Variants in RANBP2 observed in about 807,000 individuals in gnomAD.
RANBP2 encodes E3 SUMO-protein ligase RanBP2.
In RANBP2, 57 loss-of-function variants were observed where a neutral mutation model predicts 303.6. The ratio of observed to expected loss-of-function variants is 0.19; its 90% confidence interval spans 0.15 to 0.23. The LOEUF is 0.23. Among genes scored for constraint, RANBP2 ranks in the 10% least tolerant of loss-of-function variants. The pLI is 1.00. For synonymous variants in RANBP2, 1,167 were observed against 1,301.5 expected, an observed-to-expected ratio of 0.90 and a Z score of 2.23; for missense variants, 3,138 against 3,780.8, an observed-to-expected ratio of 0.83 and a Z score of 4.46.
the RANBP2 span, among the ~76,000 whole-genome samples, chr2:109,071,773 T>A: frequency 1.3e-5 from 2 of 152,136 alleles, no homozygotes; most frequent in African/African-American, 4.8e-5. Context: ...GATTTGGGAT[T>A]CATTAGCATG....
chr2:109,688,171 C>T, the RANBP2 span, among the ~76,000 whole-genome samples: 6 of 152,122 alleles, frequency 3.9e-5, no homozygotes, highest in South Asian at 2.1e-4. Flanking sequence ...TTTTCAGTCC[C>T]GAGGAGTCAC....
chr2:109,026,847 C>T, the RANBP2 span, among the ~76,000 whole-genome samples: 1 of 152,020 alleles, frequency 6.6e-6, no homozygotes, highest in Non-Finnish European at 1.5e-5. Flanking sequence ...TGGTGGATCA[C>T]GAGGTCACCA....
chr2:108,777,353 T>C, intron 25 of RANBP2, 122 bp downstream of exon 25: 1 of 734,558 alleles, frequency 1.4e-6, no homozygotes, highest in African/African-American at 1.8e-5. Flanking sequence ...CCCAGTTTGT[T>C]TTAGTGTTTT....
At chr2:108,820,817 C>G in the RANBP2 span, among the ~76,000 whole-genome samples, 2 of 152,004 alleles carry the variant, frequency 1.3e-5, no homozygotes, top group Non-Finnish European at 2.9e-5. Context: ...ACCATTACAC[C>G]TGCCCTATAA....
At chr2:109,719,020 A>AG in the RANBP2 span, among the ~76,000 whole-genome samples, 2 of 133,410 alleles carry the variant, frequency 1.5e-5, no homozygotes, top group Non-Finnish European at 3.3e-5. Flanking sequence ...AAAAAAAAAA[A>AG]AAAAAAAAGA....
At chr2:109,041,509 T>A in the RANBP2 span, among the ~76,000 whole-genome samples, 1 of 145,220 alleles carries the variant, frequency 6.9e-6, no homozygotes, top group Admixed American at 7.4e-5. Context: ...TAAAAATATA[T>A]AATTAACGGA....
At chr2:109,305,440 C>T in the RANBP2 span, among the ~76,000 whole-genome samples, 1 of 152,160 alleles carries the variant, frequency 6.6e-6, no homozygotes, top group African/African-American at 2.4e-5. Context: ...ATTTCCCTGT[C>T]TCCAGCCCAG....
the RANBP2 span, among the ~76,000 whole-genome samples, chr2:109,646,827 G>A: frequency 2.6e-5 from 4 of 152,060 alleles, no homozygotes; most frequent in South Asian, 8.3e-4. Context: ...ATAATTTTAA[G>A]AAAATATTGT....
chr2:109,399,035 A>C, the RANBP2 span: 4 of 1,335,936 alleles, frequency 3.0e-6, no homozygotes, highest in Non-Finnish European at 4.1e-6. Flanking sequence ...CTCAACTAGC[A>C]TGGAGGCCGC....
chr2:108,846,929 A>G, the RANBP2 span: 2 of 1,554,826 alleles, frequency 1.3e-6, no homozygotes, highest in African/African-American at 1.4e-5. Flanking sequence ...CAGTCACTCA[A>G]GGTAAGCTTT....
the RANBP2 span, among the ~76,000 whole-genome samples, chr2:109,485,103 T>G: frequency 6.6e-6 from 1 of 152,246 alleles, no homozygotes; most frequent in Admixed American, 6.5e-5. Context: ...TGGCTAACTT[T>G]GCAAATTGAG....
chr2:108,911,606 C>G, the RANBP2 span, among the ~76,000 whole-genome samples: 1 of 152,230 alleles, frequency 6.6e-6, no homozygotes, highest in Non-Finnish European at 1.5e-5. Flanking sequence ...GCCGCCTCCA[C>G]CAGGCAGTCC....
At chr2:109,155,740 G>T in the RANBP2 span, among the ~76,000 whole-genome samples, 1 of 152,230 alleles carries the variant, frequency 6.6e-6, no homozygotes, top group African/African-American at 2.4e-5. Flanking sequence ...AGAACAAAAA[G>T]GGAGTTCCCA....
chr2:109,337,697 G>A, the RANBP2 span, among the ~76,000 whole-genome samples: 1 of 151,846 alleles, frequency 6.6e-6, no homozygotes, highest in African/African-American at 2.4e-5. Context: ...CTACCAGGTG[G>A]GTTATCTTGG....
the RANBP2 span, among the ~76,000 whole-genome samples, chr2:109,459,286 G>A: frequency 2.6e-5 from 4 of 152,234 alleles, no homozygotes; most frequent in East Asian, 5.8e-4. Context: ...ACTTACAACA[G>A]TTACAATCCT....
At chr2:109,585,366 A>C in the RANBP2 span, 1 of 1,452,938 alleles carries the variant, frequency 6.9e-7, no homozygotes, top group Non-Finnish European at 9.4e-7. Context: ...TGAATGGCTG[A>C]AAAGAAATAC....
At chr2:108,859,072 A>T in the RANBP2 span, among the ~76,000 whole-genome samples, 1 of 151,946 alleles carries the variant, frequency 6.6e-6, no homozygotes, top group Non-Finnish European at 1.5e-5. Flanking sequence ...TGGCAGTTCT[A>T]TTTGACTTTA....
At chr2:109,001,111 G>A in the RANBP2 span, among the ~76,000 whole-genome samples, 1 of 152,174 alleles carries the variant, frequency 6.6e-6, no homozygotes, top group Non-Finnish European at 1.5e-5. Flanking sequence ...GAGTTTCATT[G>A]CTACATGAGT....
chr2:108,976,044 C>A, the RANBP2 span, among the ~76,000 whole-genome samples: 1 of 152,164 alleles, frequency 6.6e-6, no homozygotes, highest in African/African-American at 2.4e-5. Context: ...CAGTGGTCAT[C>A]CCTGATGAAC....
Sources: gnomAD v4.1 joint callset for allele counts (sites outside exome capture counted in the v4.1 genomes callset) on GRCh38, gnomAD v4.1.1 for gene constraint, MANE v1.5 for transcripts, NCBI Gene and HGNC (gene_info 2026-07-23, HGNC 2026-07-21) for gene names.